The following RAB5B variants were observed in gnomAD, a reference collection of about 807,000 sequenced individuals.
RAB5B encodes ras-related protein Rab-5B.
Under a neutral mutation model 28.6 loss-of-function variants are expected in RAB5B, and 11 were observed. The observed-to-expected ratio is 0.38, with a 90% CI of 0.24 to 0.64. The LOEUF is 0.64. RAB5B is among the 30% of genes least tolerant of loss of function. The pLI, the probability that RAB5B is intolerant of heterozygous loss-of-function variation, is 0.53. For synonymous variants in RAB5B, 93 were observed against 97.9 expected (o/e 0.95, Z 0.29); for missense variants, 169 against 265.6 (o/e 0.64, Z 2.53).
At chr12:55,977,282 C>T (rs1565785012) in intron 1 of RAB5B, among the ~76,000 whole-genome samples, 2 of 150,862 alleles carry the variant, frequency 1.3e-5, no homozygotes, top group Non-Finnish European at 3.0e-5. Flanking sequence ...GCCGTGTGTG[C>T]GTGTGTGTGT....
chr12:55,976,841 T>C (rs946951657), intron 1 of RAB5B, among the ~76,000 whole-genome samples: 3 of 152,180 alleles, frequency 2.0e-5, no homozygotes, highest in Non-Finnish European at 2.9e-5. Flanking sequence ...CCTTATTAAT[T>C]GAATTTGTCC....
Position 55,996,003 on chromosome 12 carries a change from A to ATATATATATATATATATTTTTTT in RAB5B, c.*3792_*3793insATATATATATATATATTTTTTTT. 7 of 97,404 alleles carry ATATATATATATATATATTTTTTT rather than the reference A, an allele frequency of 7.2e-5. No individual in the cohort carries two copies. Among genetic ancestry groups the ATATATATATATATATATTTTTTT allele is most frequent in the Non-Finnish European group, 1.2e-4 (6 of 50,478 alleles). 6.0% of individuals were successfully genotyped at this position (97,404 alleles called of 1,614,324 possible). ...TATATACATATATATATATATATAT[A>ATATATATATATATATATTTTTTT]TTTTTTTTTTAACAACTGGTAGGAT... On this transcript the variant is annotated 3_prime_UTR_variant, in exon 6 of 6. Transcript: ENST00000360299.
chr12:55,981,800 G>C (rs985842783), intron 1 of RAB5B, among the ~76,000 whole-genome samples: 4 of 150,500 alleles, frequency 2.7e-5, no homozygotes, highest in Non-Finnish European at 5.9e-5. Flanking sequence ...TTGTAGAGCC[G>C]TACTTCTTTT....
chr12:55,982,260 AAT>A (rs1889830103), intron 1 of RAB5B, among the ~76,000 whole-genome samples: 2 of 147,740 alleles, frequency 1.4e-5, no homozygotes, highest in South Asian at 4.3e-4. Context: ...AAAAAAAAAA[AAT>A]TAGTATTTTT....
rs1416886793 is a variant in RAB5B, at chr12:55,993,996, G to GA, written c.*1787dup. The GA allele has an allele frequency of 6.6e-6, 1 of 152,512 alleles. No homozygotes were observed. The highest frequency in any genetic ancestry group is 1.5e-5 in the Non-Finnish European group (1 of 68,038). The allele number at this position is 152,512 out of a possible 1,614,324, so 9.4% of individuals were successfully genotyped here. ...CCGGAGTTTTGGGAAAGAAAGAAAG[G>GA]AAAGGTCACAGTGACCTAGGATTGG... is the stretch of plus-strand genomic sequence containing the variant. On this transcript the variant is annotated 3_prime_UTR_variant, in exon 6 of 6. Coordinates refer to ENST00000360299, the MANE Select transcript of RAB5B (RefSeq NM_002868.4).
At position 55,986,899 on chromosome 12, in the gene RAB5B, T is replaced by G; in HGVS notation, c.-62T>G. 4.8e-6 allele frequency: 2 copies of G among 418,956 alleles called. No individual in the cohort carries two copies. Among genetic ancestry groups the G allele is most frequent in the Middle Eastern group, 7.6e-4 (1 of 1,324 alleles). 26.0% of individuals were successfully genotyped at this position (418,956 alleles called of 1,614,324 possible). On this transcript the variant is annotated 5_prime_UTR_variant, in exon 2 of 6. Transcript: ENST00000360299. The stretch of plus-strand genomic sequence containing the variant: ...TTGAAGCCTGGAAATCCCCTCCCCT[T>G]CCCCCTCCCCCCTTTACAGTATCCC...
intron 1 of RAB5B, among the ~76,000 whole-genome samples, chr12:55,983,698 C>T (rs966521474): frequency 2.1e-5 from 3 of 142,048 alleles, no homozygotes; most frequent in South Asian, 2.2e-4. Context: ...CTTGTTCTGT[C>T]GCCCAGGCTG....
At chr12:55,984,599 C>T (rs1322367399) in intron 1 of RAB5B, among the ~76,000 whole-genome samples, 2 of 152,148 alleles carry the variant, frequency 1.3e-5, no homozygotes, top group African/African-American at 4.8e-5. Context: ...GCCTCAGCCT[C>T]TGGAGTAGCT....
At chr12:55,988,208 T>C (rs772934543) in intron 2 of RAB5B, among the ~76,000 whole-genome samples, 4 of 152,150 alleles carry the variant, frequency 2.6e-5, no homozygotes, top group South Asian at 2.1e-4. Context: ...GGCACATGCC[T>C]GTAATCCCAG....
intron 2 of RAB5B, among the ~76,000 whole-genome samples, chr12:55,987,439 C>T (rs1889983594): frequency 1.3e-5 from 2 of 151,926 alleles, no homozygotes; most frequent in African/African-American, 4.8e-5. Context: ...GCTGGGATTA[C>T]AGGCGTGAGT....
At chr12:55,987,250 TC>T in intron 2 of RAB5B, 127 bp downstream of exon 2, 1 of 927,304 alleles carries the variant, frequency 1.1e-6, no homozygotes, top group Non-Finnish European at 1.6e-6. Flanking sequence ...AACCTCTGTC[TC>T]CCAGGTTCGA....
In RAB5B at chr12:55,992,138, G is replaced by T; in HGVS notation, c.574G>T (p.Ala192Ser). The T allele has an allele frequency of 6.2e-7, 1 of 1,614,192 alleles. No individual in the cohort carries two copies. Among genetic ancestry groups the T allele is most frequent in the South Asian group, 1.1e-5 (1 of 91,084 alleles). Reference protein sequence around the residue: ...PKSEPQNLGGAAGRSRGVDLH... With the variant: ...PKSEPQNLGGSAGRSRGVDLH... ...GAGTGAACCCCAGAATCTGGGAGGT[G>T]CAGCAGGCCGAAGCCGGGGTGTGGA... Residue 192 changes from alanine to serine, a missense_variant, in exon 6 of 6, where the codon GCA (alanine) becomes TCA (serine). Ala to Ser is a moderately conservative substitution (Grantham distance 99). Coordinates refer to ENST00000360299, the MANE Select transcript of RAB5B (RefSeq NM_002868.4).
In RAB5B at chr12:55,992,665, G is replaced by A; in HGVS notation, c.*453G>A. On this transcript the variant is annotated 3_prime_UTR_variant, in exon 6 of 6. Coordinates refer to ENST00000360299, the MANE Select transcript of RAB5B (RefSeq NM_002868.4). The stretch of plus-strand genomic sequence containing the variant: ...AGAAAGTGGTGAACCCAGGAACTGA[G>A]GAAGGAGGTTTCCAGTTCATTTACA... The A allele has an allele frequency of 2.5e-6, 1 of 397,462 alleles. No individual in the cohort carries two copies. The highest frequency in any genetic ancestry group is 4.8e-6 in the Non-Finnish European group (1 of 210,022). The allele number at this position is 397,462 out of a possible 1,614,324, so 24.6% of individuals were successfully genotyped here. A position where few individuals can be genotyped will look rare whatever the true frequency, so the allele number is the denominator to read the frequency against.
At chr12:55,980,761 C>T (rs925418519) in intron 1 of RAB5B, 54 of 1,578,580 alleles carry the variant, frequency 3.4e-5, no homozygotes, top group African/African-American at 4.1e-5. Context: ...ATTTCTCATC[C>T]GTGATGTCGT....
rs1272051125 is a variant in RAB5B, at chr12:55,993,905, A to T, written c.*1693A>T. 1 of 152,260 alleles carries T rather than the reference A, an allele frequency of 6.6e-6. No homozygotes were observed. Among genetic ancestry groups the T allele is most frequent in the Non-Finnish European group, 1.5e-5 (1 of 68,032 alleles). The allele number at this position is 152,260 out of a possible 1,614,324, so 9.4% of individuals were successfully genotyped here. ...CTAGTCTCTCTTCATATCCTTCATC[A>T]GGTGTTTTAAGATGTCTCTGAGAAG... On this transcript the variant is annotated 3_prime_UTR_variant, in exon 6 of 6. Transcript: ENST00000360299.
At chr12:55,977,960 C>T (rs551588012) in intron 1 of RAB5B, among the ~76,000 whole-genome samples, 5 of 152,154 alleles carry the variant, frequency 3.3e-5, no homozygotes, top group Non-Finnish European at 7.4e-5. Context: ...AGCTTTTGAC[C>T]GTTCAACATC....
At chr12:55,988,957 T>TTC (rs1386528568) in intron 2 of RAB5B, among the ~76,000 whole-genome samples, 1 of 148,260 alleles carries the variant, frequency 6.7e-6, no homozygotes, top group Non-Finnish European at 1.5e-5. Flanking sequence ...TTTTTTTTTT[T>TTC]TGGATACTGA....
In RAB5B at chr12:55,986,866, C is replaced by A; in HGVS notation, c.-92-3C>A. The stretch of plus-strand genomic sequence containing the variant: ...TAATTTTATTCACTTTTTTTTCTTG[C>A]AGGAGTGTTGAAGCCTGGAAATCCC... On this transcript the variant is annotated splice_polypyrimidine_tract_variant and splice_region_variant and intron_variant, in intron 1 of 5. Coordinates refer to ENST00000360299, the MANE Select transcript of RAB5B (RefSeq NM_002868.4). 1.1e-6 allele frequency: 1 copy of A among 914,766 alleles called. No individual in the cohort carries two copies. The highest frequency in any genetic ancestry group is 1.7e-6 in the Non-Finnish European group (1 of 581,338). The allele number at this position is 914,766 out of a possible 1,614,324, so 56.7% of individuals were successfully genotyped here.
At chr12:55,979,056 C>T (rs550573630) in intron 1 of RAB5B, among the ~76,000 whole-genome samples, 99 of 152,104 alleles carry the variant, frequency 6.5e-4, no homozygotes, top group Admixed American at 2.4e-3. Context: ...TACAGGTGTG[C>T]GCCACCACAC....
Sources: allele counts gnomAD v4.1 joint callset (sites outside exome capture counted in the v4.1 genomes callset), GRCh38; gene constraint gnomAD v4.1.1; transcripts MANE v1.5; gene names NCBI Gene and HGNC (gene_info 2026-07-23, HGNC 2026-07-21).